GSTCD: variants seen among roughly 807,000 people sequenced by gnomAD.
GSTCD encodes glutathione S-transferase C-terminal domain containing.
In GSTCD, 44 loss-of-function variants were observed where a neutral mutation model predicts 68.3. The observed-to-expected ratio is 0.64, with a 90% CI of 0.51 to 0.83. The LOEUF is 0.83. Among genes scored for constraint, GSTCD ranks in the 40% least tolerant of loss-of-function variants. The pLI is 0.00. For synonymous variants in GSTCD, 273 were observed against 255.2 expected (o/e 1.07, Z -0.67); for missense variants, 739 against 735.9 (o/e 1.00, Z -0.05).
intron 3 of GSTCD, among the ~76,000 whole-genome samples, chr4:105,720,613 G>A (rs910079775): frequency 6.6e-6 from 1 of 152,210 alleles, no homozygotes; most frequent in Non-Finnish European, 1.5e-5. Context: ...GAATTGTTTA[G>A]ATGTTGATTG....
intron 5 of GSTCD, among the ~76,000 whole-genome samples, chr4:105,801,910 G>A (rs1231161975): frequency 6.6e-6 from 1 of 152,016 alleles, no homozygotes; most frequent in African/African-American, 2.4e-5. Flanking sequence ...AAACCTATGA[G>A]TCCTGACAGA....
intron 1 of GSTCD, among the ~76,000 whole-genome samples, chr4:105,711,537 A>G (rs1732536928): frequency 6.6e-6 from 1 of 152,224 alleles, no homozygotes; most frequent in Non-Finnish European, 1.5e-5. Context: ...TAATAGTGCC[A>G]GTTGATAAGG....
chr4:105,815,536 A>G (rs995459452), intron 5 of GSTCD, among the ~76,000 whole-genome samples: 3 of 152,192 alleles, frequency 2.0e-5, no homozygotes, highest in Admixed American at 6.5e-5. Context: ...GAAAACCTAT[A>G]AGGTCAGATC....
chr4:105,837,928 T>G (rs1724187125), intron 10 of GSTCD, 39 bp downstream of exon 10: 3 of 814,458 alleles, frequency 3.7e-6, no homozygotes, highest in Non-Finnish European at 5.7e-6. Context: ...CTAATACACT[T>G]TTTATCCTTT....
At chr4:105,720,376 C>G (rs1732823133) in intron 3 of GSTCD, among the ~76,000 whole-genome samples, 1 of 152,120 alleles carries the variant, frequency 6.6e-6, no homozygotes, top group African/African-American at 2.4e-5. Context: ...CTTTTCCCTA[C>G]TAAGGAATCA....
At chr4:105,756,013 G>T (rs1238399967) in intron 5 of GSTCD, among the ~76,000 whole-genome samples, 1 of 152,180 alleles carries the variant, frequency 6.6e-6, no homozygotes, top group Non-Finnish European at 1.5e-5. Context: ...TTCAAAAATA[G>T]CTCACAGAAT....
chr4:105,839,634 C>A (rs1406588048), intron 10 of GSTCD, among the ~76,000 whole-genome samples: 1 of 151,432 alleles, frequency 6.6e-6, no homozygotes, highest in Non-Finnish European at 1.5e-5. Flanking sequence ...GAGTGATACT[C>A]TGTCTCAAGA....
chr4:105,806,271 G>A (rs1315062973), intron 5 of GSTCD, among the ~76,000 whole-genome samples: 1 of 152,060 alleles, frequency 6.6e-6, no homozygotes, highest in Non-Finnish European at 1.5e-5. Context: ...TGTGGAGAGA[G>A]TATCTAAACT....
chr4:105,821,641 A>G (rs1243347600), intron 5 of GSTCD, among the ~76,000 whole-genome samples: 1 of 151,948 alleles, frequency 6.6e-6, no homozygotes, highest in Non-Finnish European at 1.5e-5. Context: ...GGGTACTTCA[A>G]TTATAGTGTA....
chr4:105,781,349 A>G (rs1305537066), intron 5 of GSTCD, among the ~76,000 whole-genome samples: 4 of 151,906 alleles, frequency 2.6e-5, no homozygotes, highest in African/African-American at 9.7e-5. Flanking sequence ...CCTGAGCTAA[A>G]GGGATCCTCC....
chr4:105,807,880 A>C (rs1411350132), intron 5 of GSTCD, among the ~76,000 whole-genome samples: 2 of 152,150 alleles, frequency 1.3e-5, no homozygotes, highest in African/African-American at 2.4e-5. Flanking sequence ...AGTTTTCCTC[A>C]ATGGTTTTAG....
chr4:105,802,854 G>A (rs935249439), intron 5 of GSTCD, among the ~76,000 whole-genome samples: 3 of 152,046 alleles, frequency 2.0e-5, no homozygotes, highest in African/African-American at 7.2e-5. Context: ...ATATATCTGG[G>A]ATCACGTAGG....
At chr4:105,752,112 C>A (rs954822403) in intron 5 of GSTCD, among the ~76,000 whole-genome samples, 1 of 152,130 alleles carries the variant, frequency 6.6e-6, no homozygotes, top group Non-Finnish European at 1.5e-5. Flanking sequence ...TTTAGTGCCT[C>A]ATTGCCACAT....
intron 5 of GSTCD, among the ~76,000 whole-genome samples, chr4:105,740,382 T>G (rs1185489542): frequency 6.6e-6 from 1 of 152,102 alleles, no homozygotes; most frequent in Admixed American, 6.5e-5. Flanking sequence ...TGATCCCTGC[T>G]GGGGAATGGG....
At chr4:105,729,997 G>A (rs987243877) in intron 5 of GSTCD, among the ~76,000 whole-genome samples, 6 of 152,128 alleles carry the variant, frequency 3.9e-5, no homozygotes, top group Non-Finnish European at 7.4e-5. Context: ...TGCGGTGTTT[G>A]CTTTTTCTCC....
intron 5 of GSTCD, among the ~76,000 whole-genome samples, chr4:105,731,375 C>G (rs1489246477): frequency 6.6e-6 from 1 of 152,132 alleles, no homozygotes; most frequent in Non-Finnish European, 1.5e-5. Flanking sequence ...ATGGAATGTT[C>G]TTCCATTTGT....
intron 9 of GSTCD, among the ~76,000 whole-genome samples, chr4:105,835,069 G>A (rs751285190): frequency 4.1e-4 from 63 of 152,262 alleles, no homozygotes; most frequent in Non-Finnish European, 7.2e-4. Flanking sequence ...CTACCTCAAG[G>A]TTTTTGTGAA....
chr4:105,722,661 T>A (rs72671849), intron 3 of GSTCD, among the ~76,000 whole-genome samples: 8,151 of 152,088 alleles, frequency 0.054, 250 homozygotes, highest in Middle Eastern at 0.13. Flanking sequence ...CTTTTTATTC[T>A]GACAAATTTT....
At chr4:105,726,507 G>A (rs1733039579) in intron 3 of GSTCD, 72 bp from the exon 4 acceptor site, 3 of 960,210 alleles carry the variant, frequency 3.1e-6, no homozygotes, top group Non-Finnish European at 4.6e-6. Context: ...GTTGTGGTTT[G>A]TAAAGTTACC....
Sources: gnomAD v4.1 joint callset for allele counts (sites outside exome capture counted in the v4.1 genomes callset) on GRCh38, gnomAD v4.1.1 for gene constraint, MANE v1.5 for transcripts, NCBI Gene and HGNC (gene_info 2026-07-23, HGNC 2026-07-21) for gene names.